Variants in SORCS3 observed in about 807,000 individuals in gnomAD.
SORCS3 encodes sortilin related VPS10 domain containing receptor 3.
SORCS3 carries 57 observed loss-of-function variants against 146.3 expected under a neutral mutation model. The ratio of observed to expected loss-of-function variants is 0.39; its 90% CI spans 0.31 to 0.49. SORCS3 has a LOEUF of 0.49. Ranked by LOEUF, SORCS3 falls within the 20% of genes least tolerant of loss-of-function variation. SORCS3 has a pLI of 0.92. For synonymous variants in SORCS3, 653 were observed against 618.5 expected (o/e 1.06, Z -0.83); for missense variants, 1,341 against 1,575.5 (o/e 0.85, Z 2.52).
intron 2 of SORCS3, among the ~76,000 whole-genome samples, chr10:104,908,520 C>T (rs2018932753): frequency 6.6e-6 from 1 of 152,156 alleles, no homozygotes; most frequent in Non-Finnish European, 1.5e-5. Flanking sequence ...ATTGTCTGAG[C>T]TGAGGTTCAG....
intron 1 of SORCS3, among the ~76,000 whole-genome samples, chr10:104,700,425 T>C (rs893945597): frequency 1.3e-5 from 2 of 152,184 alleles, no homozygotes; most frequent in Admixed American, 1.3e-4. Flanking sequence ...ACGTGTGTTC[T>C]GGCAATTTAG....
At chr10:105,205,067 C>T (rs930512652) in intron 16 of SORCS3, among the ~76,000 whole-genome samples, 22 of 152,074 alleles carry the variant, frequency 1.4e-4, no homozygotes, top group African/African-American at 5.3e-4. Context: ...CATGCACAGT[C>T]CATTTAGATG....
chr10:104,642,607 T>C (rs2015439710), intron 1 of SORCS3, among the ~76,000 whole-genome samples: 1 of 151,590 alleles, frequency 6.6e-6, no homozygotes, highest in Admixed American at 6.6e-5. Flanking sequence ...GCAGAGGCCG[T>C]AAAAAAAAGT....
At chr10:104,989,556 G>C (rs184320331) in intron 4 of SORCS3, among the ~76,000 whole-genome samples, 57 of 152,300 alleles carry the variant, frequency 3.7e-4, no homozygotes, top group Non-Finnish European at 7.2e-4. Context: ...GAAGTAGTAG[G>C]TGGAGAGAAA....
intron 6 of SORCS3, among the ~76,000 whole-genome samples, chr10:105,094,764 G>A (rs1258182809): frequency 1.3e-5 from 2 of 152,214 alleles, no homozygotes; most frequent in Non-Finnish European, 2.9e-5. Context: ...TGTTTGATTT[G>A]GTACTAGGGA....
intron 4 of SORCS3, among the ~76,000 whole-genome samples, chr10:105,027,275 C>T (rs1041352885): frequency 3.3e-4 from 50 of 152,276 alleles, no homozygotes; most frequent in African/African-American, 1.0e-3. Context: ...TGTTTAAAAA[C>T]GATGCCACTG....
chr10:105,250,355 T>G (rs754090686), intron 22 of SORCS3, among the ~76,000 whole-genome samples: 32 of 152,226 alleles, frequency 2.1e-4, no homozygotes, highest in Non-Finnish European at 3.7e-4. Flanking sequence ...GTGTTATGTA[T>G]GGTTACGTTC....
chr10:105,240,556 T>C (rs1328912227), intron 20 of SORCS3, among the ~76,000 whole-genome samples: 1 of 152,260 alleles, frequency 6.6e-6, no homozygotes, highest in Admixed American at 6.5e-5. Flanking sequence ...TCTATCTTGA[T>C]GCTTTATTCA....
At chr10:104,650,262 A>G (rs995836982) in intron 1 of SORCS3, among the ~76,000 whole-genome samples, 1 of 152,230 alleles carries the variant, frequency 6.6e-6, no homozygotes. Context: ...AGAGCCCTAC[A>G]TAGACACTAG....
At chr10:104,912,382 G>T (rs2018978027) in intron 2 of SORCS3, among the ~76,000 whole-genome samples, 1 of 152,132 alleles carries the variant, frequency 6.6e-6, no homozygotes, top group Non-Finnish European at 1.5e-5. Flanking sequence ...AGAGATCATG[G>T]TCTATCTCCA....
intron 1 of SORCS3, among the ~76,000 whole-genome samples, chr10:104,841,614 C>T (rs2018140650): frequency 6.6e-6 from 1 of 152,046 alleles, no homozygotes; most frequent in Non-Finnish European, 1.5e-5. Context: ...TCAAAGTGAG[C>T]ATTTTGTTGT....
intron 5 of SORCS3, among the ~76,000 whole-genome samples, chr10:105,085,000 G>C (rs1475950563): frequency 6.6e-6 from 1 of 152,094 alleles, no homozygotes; most frequent in African/African-American, 2.4e-5. Context: ...AAAGTGCTGG[G>C]ATTACAGGCG....
At chr10:105,045,995 T>C (rs377138939) in intron 5 of SORCS3, among the ~76,000 whole-genome samples, 26 of 152,278 alleles carry the variant, frequency 1.7e-4, no homozygotes, top group African/African-American at 6.3e-4. Context: ...AGCTGAACAT[T>C]ATTGTTCTCT....
intron 2 of SORCS3, among the ~76,000 whole-genome samples, chr10:104,855,460 G>A (rs916752933): frequency 6.6e-6 from 1 of 152,054 alleles, no homozygotes; most frequent in Non-Finnish European, 1.5e-5. Context: ...TGAACATGGT[G>A]GTACATCTTT....
intron 1 of SORCS3, among the ~76,000 whole-genome samples, chr10:104,811,452 AG>A (rs1288390613): frequency 6.6e-6 from 1 of 152,218 alleles, no homozygotes; most frequent in Non-Finnish European, 1.5e-5. Context: ...GGTGAGGCAG[AG>A]CTTTCACACT....
intron 7 of SORCS3, among the ~76,000 whole-genome samples, chr10:105,135,806 A>G (rs1045697362): frequency 1.2e-4 from 19 of 152,118 alleles, no homozygotes; most frequent in African/African-American, 3.4e-4. Context: ...CTAATTTCCA[A>G]TACCTTACTC....
At chr10:104,928,650 C>A in intron 3 of SORCS3, among the ~76,000 whole-genome samples, 1 of 152,244 alleles carries the variant, frequency 6.6e-6, no homozygotes, top group African/African-American at 2.4e-5. Flanking sequence ...TTGGTACACA[C>A]TCTGCTGGTG....
intron 2 of SORCS3, among the ~76,000 whole-genome samples, chr10:104,888,300 C>T (rs753861276): frequency 6.6e-6 from 1 of 152,148 alleles, no homozygotes. Flanking sequence ...ACCACCAGAG[C>T]AAAGTGTGAC....
chr10:104,821,205 A>T (rs1171369761), intron 1 of SORCS3, among the ~76,000 whole-genome samples: 2 of 152,186 alleles, frequency 1.3e-5, no homozygotes, highest in East Asian at 3.9e-4. Flanking sequence ...TTTTGAAGGG[A>T]GGAACATAGA....
Sources: gnomAD v4.1 joint callset for allele counts (sites outside exome capture counted in the v4.1 genomes callset) on GRCh38, gnomAD v4.1.1 for gene constraint, MANE v1.5 for transcripts, NCBI Gene and HGNC (gene_info 2026-07-23, HGNC 2026-07-21) for gene names.